BMP8B: variants seen among roughly 807,000 people sequenced by gnomAD.
BMP8B encodes the protein bone morphogenetic protein 8 (osteogenic protein 2).
Under a neutral mutation model 30.3 loss-of-function variants are expected in BMP8B, and 17 were observed. That is an observed-to-expected ratio of 0.56 (90% CI 0.38 to 0.84). The LOEUF is 0.84. Ranked by LOEUF, BMP8B falls within the 40% of genes least tolerant of loss-of-function variation. The pLI is 0.00. For synonymous variants in BMP8B, 131 were observed against 214.7 expected, an observed-to-expected ratio of 0.61 and a Z score of 3.41; for missense variants, 253 against 494.6, an observed-to-expected ratio of 0.51 and a Z score of 4.63.
At chr1:39,782,546 C>A (rs1650716406) in intron 1 of BMP8B, among the ~76,000 whole-genome samples, 1 of 152,094 alleles carries the variant, frequency 6.6e-6, no homozygotes, top group Admixed American at 6.6e-5. Flanking sequence ...CGGCTCACTG[C>A]AACCTCCACC....
intron 1 of BMP8B, among the ~76,000 whole-genome samples, chr1:39,775,317 C>A (rs536034420): frequency 6.6e-6 from 1 of 152,188 alleles, no homozygotes; most frequent in Non-Finnish European, 1.5e-5. Flanking sequence ...ACTCCCGTTG[C>A]GCCCCCTTCT....
chr1:39,762,749 C>A, intron 6 of BMP8B: 2 of 1,381,280 alleles, frequency 1.4e-6, no homozygotes, highest in Non-Finnish European at 1.9e-6. Context: ...TAAGATCACA[C>A]AGCCCCCACA....
rs959880293 is a variant in BMP8B at position 39,788,608 on chromosome 1, C to T, written c.-123G>A. 3 of 789,896 alleles carry T rather than the reference C, an allele frequency of 3.8e-6. No individual in the cohort carries two copies. In the African/African-American group the frequency reaches 5.6e-5, roughly 15 times the overall value. 48.9% of individuals were successfully genotyped at this position (789,896 alleles called of 1,614,324 possible). On this transcript the variant is annotated 5_prime_UTR_variant, in exon 1 of 7. Transcript: ENST00000372827. The surrounding 1 kb of genome is among the most constrained non-coding windows in gnomAD (Gnocchi z 5.8). ...GCTCGGCGGGCGGCGGGCGGCGGGG[C>T]GGGGCGGGACGGGCGGCGACCGCGG...
chr1:39,781,049 G>C (rs1650603307), intron 1 of BMP8B, among the ~76,000 whole-genome samples: 1 of 152,190 alleles, frequency 6.6e-6, no homozygotes, highest in Non-Finnish European at 1.5e-5. Context: ...CATTTATATT[G>C]AGTTGTCTTT....
rs1569809018 is a variant in BMP8B, at chr1:39,767,067, G to A, written c.674-2250C>T. Reference sequence around the variant, plus strand: ...GGCTTTCCTCACTATTTGCTTCTGTGCAGCTGTGTTCAAGGGTCTTATGGG... The same window carrying A: ...GGCTTTCCTCACTATTTGCTTCTGTACAGCTGTGTTCAAGGGTCTTATGGG... On this transcript the variant is annotated intron_variant, in intron 3 of 6. Coordinates refer to ENST00000372827, the MANE Select transcript of BMP8B (RefSeq NM_001720.5). 2.6e-5 allele frequency among the ~76,000 whole-genome samples: 4 copies of A among 152,332 alleles called. No homozygotes were observed. In the East Asian group the frequency reaches 7.7e-4, roughly 29 times the overall value.
Position 39,763,159 on chromosome 1 carries a change from T to A in BMP8B, c.992A>T (p.Glu331Val). The A allele has an allele frequency of 6.2e-7, 1 of 1,613,890 alleles. No homozygotes were observed. The highest frequency in any genetic ancestry group is 1.3e-5 in the African/African-American group (1 of 74,964). Residue 331 changes from glutamate to valine, a missense_variant, in exon 6 of 7, where the codon GAG becomes GTG. Physicochemically the swap from Glu to Val is moderately radical, Grantham distance 121 (BLOSUM62 -2). This residue lies in a region of BMP8B where 116 missense variants were observed against 142.3 expected (regional missense o/e 0.81). Transcript: ENST00000372827. Reference protein sequence around the residue: ...APQGYSAYYCEGECSFPLDSC... With the variant: ...APQGYSAYYCVGECSFPLDSC... ...GTCCAGTGGGAAGGAGCACTCCCCC[T>A]CACAGTAATAGGCCGAGTAGCCTTG...
intron 6 of BMP8B, 34 bp downstream of exon 6, chr1:39,763,058 C>G (rs1418147899): frequency 4.4e-6 from 7 of 1,608,178 alleles, no homozygotes; most frequent in East Asian, 4.5e-5. Flanking sequence ...GCCCCCCACC[C>G]CAGGGGGCTG....
Position 39,779,268 on chromosome 1 carries a change from A to G in BMP8B, c.335-4230T>C, listed in dbSNP as rs754096042. ...TGGCACCCATTGTCGGCCCGCACAC[A>G]GACAGGGAGGGCCGGCCCTACTCTG... On this transcript the variant is annotated intron_variant, in intron 1 of 6. Coordinates refer to ENST00000372827, the MANE Select transcript of BMP8B (RefSeq NM_001720.5). 3.2e-4 allele frequency among the ~76,000 whole-genome samples: 49 copies of G among 152,130 alleles called. 1 individual carries two copies. The highest frequency in any genetic ancestry group is 7.9e-4 in the Admixed American group (12 of 15,284).
chr1:39,763,066 C>T, intron 6 of BMP8B, 26 bp downstream of exon 6: 1 of 1,609,360 alleles, frequency 6.2e-7, no homozygotes, highest in Non-Finnish European at 8.5e-7. Context: ...CCCCAGGGGG[C>T]TGGGCAGGAT....
intron 1 of BMP8B, among the ~76,000 whole-genome samples, chr1:39,776,373 G>A (rs1034156622): frequency 4.6e-5 from 7 of 152,210 alleles, no homozygotes; most frequent in Admixed American, 4.6e-4. Flanking sequence ...GGTGGGAGCC[G>A]CCCAGTGCCT....
intron 3 of BMP8B, chr1:39,770,621 C>T: frequency 1.9e-6 from 3 of 1,581,400 alleles, no homozygotes; most frequent in African/African-American, 1.5e-5. Flanking sequence ...GGCCTTCCAC[C>T]CTTTCACCAG....
intron 6 of BMP8B, chr1:39,762,564 C>T: frequency 1.3e-6 from 2 of 1,550,352 alleles, no homozygotes; most frequent in Non-Finnish European, 1.7e-6. Flanking sequence ...CCAGAAAAAA[C>T]AAAGATGGCC....
Position 39,775,636 on chromosome 1 carries a change from G to A in BMP8B, c.335-598C>T, listed in dbSNP as rs558482742. On this transcript the variant is annotated intron_variant, in intron 1 of 6. Transcript: ENST00000372827. ...CAGGGAGACGGGCCCTGCAGGGGCCGGCCAGCCAAGGCAGAGGGCCAGAGC... is the reference window on the plus strand; with the variant it reads ...CAGGGAGACGGGCCCTGCAGGGGCCAGCCAGCCAAGGCAGAGGGCCAGAGC... Among the ~76,000 whole-genome samples, 136 of 152,336 alleles carry A rather than the reference G, an allele frequency of 8.9e-4. No individual in the cohort carries two copies. In the East Asian group the frequency reaches 9.1e-3, roughly 10 times the overall value.
At chr1:39,763,656 C>A (rs772994472) in intron 5 of BMP8B, 56 bp downstream of exon 5, 1 of 1,558,354 alleles carries the variant, frequency 6.4e-7, no homozygotes, top group Non-Finnish European at 8.8e-7. Context: ...TGCAGATTCA[C>A]TTCTGATCTA....
chr1:39,763,657 T>C lies in BMP8B; in HGVS notation c.948+55A>G, dbSNP rs762836039. On this transcript the variant is annotated intron_variant, in intron 5 of 6. Transcript: ENST00000372827. ...TTCTATGTCCTCCCTGCAGATTCAC[T>C]TCTGATCTACAGGTGGTGATTGTCA... 3.0e-5 allele frequency: 47 copies of C among 1,559,572 alleles called. 1 individual carries two copies. The highest frequency in any genetic ancestry group is 3.9e-5 in the Non-Finnish European group (45 of 1,140,644).
rs574729642 is a variant in BMP8B at position 39,775,264 on chromosome 1, G to A, written c.335-226C>T. ...TGCAGCCAGGCTCACCCTGAGCCCC[G>A]CAGCTGGCTGGTGCTCAGCAGGCCC... On this transcript the variant is annotated intron_variant, in intron 1 of 6. Transcript: ENST00000372827. Among the ~76,000 whole-genome samples the A allele has an allele frequency of 7.2e-5, 11 of 152,274 alleles. No homozygotes were observed. In the South Asian group the frequency reaches 1.0e-3, roughly 14 times the overall value.
Position 39,788,467 on chromosome 1 carries a change from G to T in BMP8B, c.19C>A (p.Pro7Thr). 9.8e-7 allele frequency: 1 copy of T among 1,024,650 alleles called. No homozygotes were observed. Among genetic ancestry groups the T allele is most frequent in the Non-Finnish European group, 1.2e-6 (1 of 857,094 alleles). The allele number at this position is 1,024,650 out of a possible 1,614,324, so 63.5% of individuals were successfully genotyped here. A position where few individuals can be genotyped will look rare whatever the true frequency, so the allele number is the denominator to read the frequency against. The change falls in exon 1 of 7, where the codon CCG becomes ACG. Residue 7 changes from proline to threonine, a missense_variant. Pro to Thr is a conservative substitution (Grantham distance 38). Around this residue, in one of 7 missense-constraint regions of BMP8B, gnomAD observed 54 missense variants for 70.8 expected, o/e 0.76. Transcript: ENST00000372827. The surrounding 1 kb of genome is among the most constrained non-coding windows in gnomAD (Gnocchi z 5.8). MTALPG[P>T]LWLLGLALCA... ...AGCGCCAGGCCCAGGAGCCAGAGCG[G>T]GCCGGGGAGCGCGGTCATGGCAGGC...
At chr1:39,762,579 G>C (rs1487581625) in intron 6 of BMP8B, 1 of 1,550,238 alleles carries the variant, frequency 6.5e-7, no homozygotes, top group East Asian at 2.4e-5. Context: ...ATGGCCAAGA[G>C]AGAAACTGGG....
At chr1:39,775,070 C>T (rs1650126153) in intron 1 of BMP8B, 32 bp from the exon 2 acceptor site, 7 of 1,307,294 alleles carry the variant, frequency 5.4e-6, no homozygotes, top group South Asian at 1.4e-5. Context: ...GGCTGGCACT[C>T]AGAATGGCTC....
Sources: gnomAD v4.1 joint callset for allele counts (sites outside exome capture counted in the v4.1 genomes callset) on GRCh38, gnomAD v4.1.1 for gene constraint, gnomAD v4.1.1 regional missense constraint, Gnocchi (gnomAD v3.1) non-coding constraint, MANE v1.5 for transcripts, NCBI Gene and HGNC (gene_info 2026-07-23, HGNC 2026-07-21) for gene names.